EPS15L1: variants seen among roughly 807,000 people sequenced by gnomAD.
The protein encoded by EPS15L1 is epidermal growth factor receptor substrate 15-like 1.
In EPS15L1, 43 loss-of-function variants were observed where a neutral mutation model predicts 117.1. The ratio of observed to expected loss-of-function variants is 0.37; its 90% CI spans 0.29 to 0.47. The LOEUF (loss-of-function observed/expected upper bound fraction) is 0.47, where lower values mean the gene tolerates loss of function less well. Ranked by LOEUF, EPS15L1 falls within the 20% of genes least tolerant of loss-of-function variation. The pLI, the probability that EPS15L1 is intolerant of heterozygous loss-of-function variation, is 0.99. For synonymous variants in EPS15L1, 459 were observed against 470.5 expected, an observed-to-expected ratio of 0.98 and a Z score of 0.32; for missense variants, 981 against 1,164.0, an observed-to-expected ratio of 0.84 and a Z score of 2.29.
chr19:16,437,640 A>T, intron 5 of EPS15L1, 130 bp downstream of exon 5: 1 of 681,190 alleles, frequency 1.5e-6, no homozygotes, highest in Non-Finnish European at 2.6e-6. Flanking sequence ...CTATTATGTG[A>T]ATTTCACCAC....
At chr19:16,363,030 T>A (rs2092080619) in intron 22 of EPS15L1, among the ~76,000 whole-genome samples, 2 of 152,172 alleles carry the variant, frequency 1.3e-5, no homozygotes, top group Non-Finnish European at 2.9e-5. Context: ...CTTTTCCCAG[T>A]GCATCCTGCC....
chr19:16,418,353 G>A (rs1254887643), intron 10 of EPS15L1, among the ~76,000 whole-genome samples: 1 of 152,176 alleles, frequency 6.6e-6, no homozygotes, highest in Non-Finnish European at 1.5e-5. Flanking sequence ...GACCTGGGCT[G>A]AGGAGCCGAC....
intron 7 of EPS15L1, among the ~76,000 whole-genome samples, chr19:16,430,222 C>T (rs1281275775): frequency 6.6e-6 from 1 of 152,198 alleles, no homozygotes; most frequent in East Asian, 1.9e-4. Context: ...TCGAGTGGGT[C>T]AGGGGCCCTC....
intron 1 of EPS15L1, among the ~76,000 whole-genome samples, chr19:16,445,643 T>C (rs1267802672): frequency 1.3e-5 from 2 of 152,198 alleles, no homozygotes; most frequent in Non-Finnish European, 2.9e-5. Context: ...CTGGCCCCTG[T>C]GCAGAGACCT....
intron 1 of EPS15L1, among the ~76,000 whole-genome samples, chr19:16,449,863 C>T (rs2093122886): frequency 6.6e-6 from 1 of 152,196 alleles, no homozygotes; most frequent in Non-Finnish European, 1.5e-5. Context: ...CTGGATGACT[C>T]TCCAGAGAAT....
chr19:16,413,995 G>A, intron 12 of EPS15L1, 150 bp from the exon 13 acceptor site: 1 of 630,306 alleles, frequency 1.6e-6, no homozygotes, highest in Admixed American at 2.7e-5. Context: ...GCCCTGTACA[G>A]TCCCTTCCCC....
At chr19:16,430,921 G>A (rs929872382) in intron 7 of EPS15L1, among the ~76,000 whole-genome samples, 1 of 152,228 alleles carries the variant, frequency 6.6e-6, no homozygotes, top group African/African-American at 2.4e-5. Flanking sequence ...GGACATGGGT[G>A]CATAGATGCA....
intron 13 of EPS15L1, among the ~76,000 whole-genome samples, chr19:16,409,512 T>C (rs562032328): frequency 7.0e-4 from 106 of 152,258 alleles, no homozygotes; most frequent in Non-Finnish European, 4.1e-4. Flanking sequence ...CATTAACAAC[T>C]TGTGCTTCAA....
chr19:16,397,187 T>C (rs1316970853), intron 16 of EPS15L1, among the ~76,000 whole-genome samples: 1 of 152,050 alleles, frequency 6.6e-6, no homozygotes, highest in African/African-American at 2.4e-5. Flanking sequence ...CCTCCCGGGT[T>C]CAAGTGATTC....
chr19:16,408,205 C>T (rs955609428), intron 13 of EPS15L1, among the ~76,000 whole-genome samples: 1 of 152,088 alleles, frequency 6.6e-6, no homozygotes, highest in Non-Finnish European at 1.5e-5. Flanking sequence ...CCCACCAGCT[C>T]GAGGTTAGGA....
chr19:16,404,017 C>T lies in EPS15L1; in HGVS notation c.1429-87G>A, dbSNP rs552863843. 8 of 1,293,652 alleles carry T rather than the reference C, an allele frequency of 6.2e-6. No individual in the cohort carries two copies. The highest frequency in any genetic ancestry group is 5.0e-5 in the East Asian group (2 of 39,968). 80.1% of individuals were successfully genotyped at this position (1,293,652 alleles called of 1,614,324 possible). A position where few individuals can be genotyped will look rare whatever the true frequency, so the allele number is the denominator to read the frequency against. ...AGAAAGAACTCTTAGCCCCCATCCC[C>T]GAAACAAGCTAAGCCAGGGACGCAG... On this transcript the variant is annotated intron_variant, in intron 14 of 23. Transcript: ENST00000455140. This position sits in a 1 kb window ranked among gnomAD's most constrained non-coding sequence, Gnocchi z 4.2.
chr19:16,469,842 C>T (rs2093333584), intron 1 of EPS15L1, among the ~76,000 whole-genome samples: 1 of 152,082 alleles, frequency 6.6e-6, no homozygotes, highest in African/African-American at 2.4e-5. Flanking sequence ...CCTTTTGCCC[C>T]CAACCAAAAA....
chr19:16,380,494 T>C (rs2092349013), intron 21 of EPS15L1, among the ~76,000 whole-genome samples: 1 of 145,974 alleles, frequency 6.9e-6, no homozygotes, highest in Admixed American at 6.8e-5. Flanking sequence ...CCCTCTAAGG[T>C]TCCAGGGTCT....
At chr19:16,360,721 C>A (rs577300085) in intron 23 of EPS15L1, among the ~76,000 whole-genome samples, 19 of 152,142 alleles carry the variant, frequency 1.2e-4, no homozygotes, top group Non-Finnish European at 2.1e-4. Flanking sequence ...GCAGACCAGG[C>A]TGGGCAACAC....
intron 21 of EPS15L1, among the ~76,000 whole-genome samples, chr19:16,382,655 A>G (rs554805165): frequency 6.6e-6 from 1 of 152,084 alleles, no homozygotes; most frequent in Admixed American, 6.5e-5. Context: ...AGAGGGTGAA[A>G]TAAGTTGGAC....
intron 19 of EPS15L1, among the ~76,000 whole-genome samples, chr19:16,391,718 C>T (rs992909155): frequency 4.0e-5 from 6 of 151,834 alleles, no homozygotes; most frequent in Non-Finnish European, 8.8e-5. Flanking sequence ...CTGCCACGCC[C>T]GGGGATGGGA....
intron 19 of EPS15L1, among the ~76,000 whole-genome samples, chr19:16,391,212 T>C (rs944260822): frequency 6.0e-5 from 9 of 150,652 alleles, no homozygotes; most frequent in Admixed American, 4.0e-4. Flanking sequence ...AGTAAGGAAA[T>C]GGAAAAAAAT....
intron 1 of EPS15L1, among the ~76,000 whole-genome samples, chr19:16,466,006 T>G (rs1379823621): frequency 6.8e-6 from 1 of 147,880 alleles, no homozygotes; most frequent in Non-Finnish European, 1.5e-5. Context: ...TTTTTTTTTT[T>G]GAGACAGAGT....
Position 16,445,023 on chromosome 19 carries a change from G to A in EPS15L1, c.34-2804C>T, listed in dbSNP as rs1316443200. Among the ~76,000 whole-genome samples, 3 of 152,156 alleles carry A rather than the reference G, an allele frequency of 2.0e-5. No individual in the cohort carries two copies. In the East Asian group the frequency reaches 5.8e-4, roughly 29 times the overall value. ...CATGAGCCACCACGCCCAGCCCCAG[G>A]CGAGTTTTTTAACAATCTCATGGGA... is the stretch of plus-strand genomic sequence containing the variant. On this transcript the variant is annotated intron_variant, in intron 1 of 23. Coordinates refer to ENST00000455140, the MANE Select transcript of EPS15L1 (RefSeq NM_001258374.3).
Sources: allele counts gnomAD v4.1 joint callset (sites outside exome capture counted in the v4.1 genomes callset), GRCh38; gene constraint gnomAD v4.1.1; non-coding constraint Gnocchi (gnomAD v3.1); transcripts MANE v1.5; gene names NCBI Gene and HGNC (gene_info 2026-07-23, HGNC 2026-07-21).